The following COL26A1 variants were observed in gnomAD, a reference collection of about 807,000 sequenced individuals.
COL26A1 encodes collagen type XXVI alpha 1 chain, also known as collagen alpha-1(XXVI) chain.
Under a neutral mutation model 59.3 loss-of-function variants are expected in COL26A1, and 41 were observed. The observed-to-expected ratio is 0.69, with a 90% CI of 0.54 to 0.90. COL26A1 has a LOEUF of 0.90. COL26A1 is among the 40% of genes least tolerant of loss of function. The pLI, the probability that COL26A1 is intolerant of heterozygous loss-of-function variation, is 0.00. For missense variants in COL26A1, 612 were observed against 602.3 expected, an observed-to-expected ratio of 1.02 and a Z score of -0.17; for synonymous variants, 266 against 256.0, an observed-to-expected ratio of 1.04 and a Z score of -0.37.
intron 1 of COL26A1, among the ~76,000 whole-genome samples, chr7:101,367,607 A>G (rs577042291): frequency 4.0e-5 from 6 of 151,568 alleles, no homozygotes; most frequent in Non-Finnish European, 7.4e-5. Context: ...GGAGGGTACA[A>G]TGAGCTGAGA....
chr7:101,553,478 C>T (rs918357662), intron 11 of COL26A1, 102 bp downstream of exon 11: 5 of 1,189,512 alleles, frequency 4.2e-6, no homozygotes, highest in Non-Finnish European at 4.8e-6. Flanking sequence ...GTCAGCCAGC[C>T]CCGAGCTGGG....
At chr7:101,450,478 T>C (rs913922181) in intron 3 of COL26A1, among the ~76,000 whole-genome samples, 12 of 152,072 alleles carry the variant, frequency 7.9e-5, no homozygotes, top group Non-Finnish European at 1.6e-4. Flanking sequence ...TGCGTTAGCA[T>C]AGACTGTGTG....
At chr7:101,486,813 A>G (rs1794279218) in intron 3 of COL26A1, among the ~76,000 whole-genome samples, 1 of 152,244 alleles carries the variant, frequency 6.6e-6, no homozygotes, top group Admixed American at 6.5e-5. Context: ...CCAGCGGATC[A>G]GAAACGTAAT....
chr7:101,441,641 T>A (rs964577586), intron 2 of COL26A1, among the ~76,000 whole-genome samples: 3 of 152,184 alleles, frequency 2.0e-5, no homozygotes, highest in African/African-American at 7.2e-5. Context: ...TTTATTGTTC[T>A]CATGACCATC....
At chr7:101,424,322 G>C (rs1239609776) in intron 2 of COL26A1, among the ~76,000 whole-genome samples, 1 of 152,134 alleles carries the variant, frequency 6.6e-6, no homozygotes, top group East Asian at 1.9e-4. Flanking sequence ...AATGGGCCGG[G>C]TGTGGTGGCT....
chr7:101,487,378 AC>A (rs1005994828), intron 3 of COL26A1, among the ~76,000 whole-genome samples: 15 of 152,084 alleles, frequency 9.9e-5, no homozygotes, highest in African/African-American at 3.4e-4. Flanking sequence ...CATAGCCTGC[AC>A]CCCATCACCC....
At chr7:101,545,006 C>T (rs1370066404) in intron 6 of COL26A1, among the ~76,000 whole-genome samples, 7 of 152,154 alleles carry the variant, frequency 4.6e-5, no homozygotes, top group Non-Finnish European at 4.4e-5. Context: ...AGGATGGTGG[C>T]TTATACTTGG....
At chr7:101,520,002 G>A (rs1164522190) in intron 3 of COL26A1, among the ~76,000 whole-genome samples, 1 of 152,062 alleles carries the variant, frequency 6.6e-6, no homozygotes, top group African/African-American at 2.4e-5. Context: ...CCCTCTCAGT[G>A]GCCCTCAGTT....
intron 10 of COL26A1, among the ~76,000 whole-genome samples, chr7:101,552,904 T>C (rs1481317456): frequency 1.3e-5 from 2 of 152,122 alleles, no homozygotes; most frequent in African/African-American, 2.4e-5. Context: ...TGAAACTCCA[T>C]CTCAAATAAA....
intron 5 of COL26A1, among the ~76,000 whole-genome samples, chr7:101,541,754 A>G (rs1795621665): frequency 6.6e-6 from 1 of 151,998 alleles, no homozygotes; most frequent in South Asian, 2.1e-4. Context: ...TGCTTTAATC[A>G]CAATTGTAAT....
intron 3 of COL26A1, among the ~76,000 whole-genome samples, chr7:101,469,166 T>A (rs1793835034): frequency 6.6e-6 from 1 of 152,162 alleles, no homozygotes; most frequent in African/African-American, 2.4e-5. Context: ...CTTTATGGAC[T>A]GTAAAGTGCT....
At chr7:101,405,788 TCA>T (rs1792115169) in intron 1 of COL26A1, among the ~76,000 whole-genome samples, 1 of 152,098 alleles carries the variant, frequency 6.6e-6, no homozygotes, top group South Asian at 2.1e-4. Flanking sequence ...CTTGGCCAAA[TCA>T]CATACTTCTC....
At chr7:101,523,413 T>A (rs75836844) in intron 3 of COL26A1, among the ~76,000 whole-genome samples, 11,560 of 152,280 alleles carry the variant, frequency 0.076, 570 homozygotes, top group Middle Eastern at 0.15. Flanking sequence ...TCAATTTTTT[T>A]AAATGGTAAT....
chr7:101,458,715 T>G (rs1793537429), intron 3 of COL26A1, among the ~76,000 whole-genome samples: 1 of 152,094 alleles, frequency 6.6e-6, no homozygotes, highest in African/African-American at 2.4e-5. Flanking sequence ...GTTTCCATTT[T>G]GTAGATGCAG....
chr7:101,548,394 G>T (rs57220607), intron 8 of COL26A1, among the ~76,000 whole-genome samples: 1 of 152,122 alleles, frequency 6.6e-6, no homozygotes, highest in Non-Finnish European at 1.5e-5. Context: ...ACACACATGA[G>T]ACCCAGCCCG....
intron 3 of COL26A1, among the ~76,000 whole-genome samples, chr7:101,463,639 C>A (rs1436790408): frequency 3.8e-5 from 1 of 26,498 alleles, no homozygotes; most frequent in Non-Finnish European, 6.3e-5. Flanking sequence ...TCCTTCCTTC[C>A]TTCCATCCTT....
In COL26A1 at chr7:101,387,763, TA is replaced by T. The variant is rs1162218150; in HGVS notation, c.158+24574del. Among the ~76,000 whole-genome samples the T allele has an allele frequency of 2.5e-3, 159 of 64,846 alleles. 1 individual carries two copies. Among genetic ancestry groups the T allele is most frequent in the African/African-American group, 8.4e-3 (154 of 18,434 alleles). The allele number at this position is 64,846 out of a possible 152,430, so 42.5% of individuals were successfully genotyped here. ...ATATATATATATATATTTATATATA[TA>T]TATATATATATATATTTTTTTTTAA... is the stretch of plus-strand genomic sequence containing the variant. On this transcript the variant is annotated intron_variant, in intron 1 of 12. Transcript: ENST00000313669.
intron 3 of COL26A1, among the ~76,000 whole-genome samples, chr7:101,488,742 C>T (rs1037246703): frequency 2.6e-5 from 4 of 152,144 alleles, no homozygotes; most frequent in African/African-American, 7.2e-5. Context: ...CAGCCATCTC[C>T]ACTGTCCATC....
chr7:101,404,054 A>G (rs890707782), intron 1 of COL26A1, among the ~76,000 whole-genome samples: 1 of 152,178 alleles, frequency 6.6e-6, no homozygotes, highest in African/African-American at 2.4e-5. Flanking sequence ...AGATCATGCC[A>G]TAGCACTCCA....
Sources: allele counts gnomAD v4.1 joint callset (sites outside exome capture counted in the v4.1 genomes callset), GRCh38; gene constraint gnomAD v4.1.1; transcripts MANE v1.5; gene names NCBI Gene and HGNC (gene_info 2026-07-23, HGNC 2026-07-21).